Variants in PRIMA1 observed in about 807,000 individuals in gnomAD.
PRIMA1 encodes proline rich membrane anchor 1.
A neutral mutation model predicts 17.5 loss-of-function variants in PRIMA1; 7 were observed. The ratio of observed to expected loss-of-function variants is 0.40; its 90% confidence interval spans 0.23 to 0.75. PRIMA1 has a LOEUF of 0.75. PRIMA1 is among the 30% of genes least tolerant of loss of function. The probability of loss-of-function intolerance (pLI) is 0.37; values close to 1 mark genes in which losing one functional copy is unlikely to be tolerated. For synonymous variants in PRIMA1, 97 were observed against 77.9 expected, an observed-to-expected ratio of 1.25 and a Z score of -1.29; for missense variants, 200 against 201.8, an observed-to-expected ratio of 0.99 and a Z score of 0.05.
intron 3 of PRIMA1, among the ~76,000 whole-genome samples, chr14:93,777,906 C>T (rs561752488): frequency 2.7e-4 from 41 of 152,258 alleles, no homozygotes; most frequent in African/African-American, 7.7e-4. Context: ...AAATACAAAC[C>T]GCTGGGAGAC....
chr14:93,754,257 G>C (rs975403303), intron 3 of PRIMA1, among the ~76,000 whole-genome samples: 1 of 152,196 alleles, frequency 6.6e-6, no homozygotes, highest in Admixed American at 6.5e-5. Context: ...CGAAGAGCTT[G>C]TGGAGCTCTT....
rs924313155 is a variant in PRIMA1, at chr14:93,787,708, C to T, written c.11G>A (p.Arg4Gln). Residue 4 changes from arginine (R) to glutamine (Q), a missense_variant, in exon 2 of 5, where the codon CGG (arginine) becomes CAG (glutamine). Transcript: ENST00000393140. MLL[R>Q]DLVLRRGCCW... ...GCAGCCACGGCGCAGCACCAAGTCC[C>T]GGAGGAGCATCTCGGCCAGCGGCGC... The T allele has an allele frequency of 9.1e-6, 14 of 1,543,916 alleles. No individual in the cohort carries two copies. Among genetic ancestry groups the T allele is most frequent in the African/African-American group, 1.4e-5 (1 of 73,040 alleles).
Position 93,779,090 on chromosome 14 carries a change from G to A in PRIMA1, c.229+86C>T, listed in dbSNP as rs879041802. 4.8e-5 allele frequency: 47 copies of A among 984,340 alleles called. 1 individual carries two copies. The South Asian group carries it at 9.3e-4, about 20-fold the overall frequency. The allele number at this position is 984,340 out of a possible 1,614,324, so 61.0% of individuals were successfully genotyped here. A position where few individuals can be genotyped will look rare whatever the true frequency, so the allele number is the denominator to read the frequency against. ...CAGTGGAAAATTACCAAGGAGGCAG[G>A]GCTGCCCTCGGCCACACTCAGTGGA... On this transcript the variant is annotated intron_variant, in intron 3 of 4. Coordinates refer to ENST00000393140, the MANE Select transcript of PRIMA1 (RefSeq NM_178013.4).
chr14:93,746,998 A>G (rs1365200574), intron 3 of PRIMA1, among the ~76,000 whole-genome samples: 1 of 152,260 alleles, frequency 6.6e-6, no homozygotes, highest in East Asian at 1.9e-4. Flanking sequence ...GACAGTGAGA[A>G]AGCAGCTGGG....
At chr14:93,748,251 G>T (rs1407161281) in intron 3 of PRIMA1, among the ~76,000 whole-genome samples, 1 of 152,038 alleles carries the variant, frequency 6.6e-6, no homozygotes, top group African/African-American at 2.4e-5. Flanking sequence ...GGGGTGAGGG[G>T]CCCACAGGGA....
At chr14:93,748,059 TG>T (rs2076236408) in intron 3 of PRIMA1, among the ~76,000 whole-genome samples, 1 of 151,478 alleles carries the variant, frequency 6.6e-6, no homozygotes, top group Non-Finnish European at 1.5e-5. Flanking sequence ...TGTGTGTATG[TG>T]AGTGTGAATG....
At chr14:93,729,169 C>T (rs1203941510) in intron 4 of PRIMA1, among the ~76,000 whole-genome samples, 1 of 152,228 alleles carries the variant, frequency 6.6e-6, no homozygotes, top group Non-Finnish European at 1.5e-5. Context: ...GCACAGGTGC[C>T]AGCTCCTTGA....
intron 2 of PRIMA1, among the ~76,000 whole-genome samples, chr14:93,781,448 G>C (rs1305922663): frequency 2.0e-5 from 3 of 152,238 alleles, no homozygotes; most frequent in Non-Finnish European, 4.4e-5. Flanking sequence ...ACTCTACCAA[G>C]TGTGTGAACT....
chr14:93,731,871 C>T (rs943540142), intron 4 of PRIMA1, among the ~76,000 whole-genome samples: 14 of 152,196 alleles, frequency 9.2e-5, no homozygotes, highest in Admixed American at 2.6e-4. Flanking sequence ...ATCAAAAAGG[C>T]TTGAGCATTC....
intron 3 of PRIMA1, among the ~76,000 whole-genome samples, chr14:93,768,810 T>TTG (rs780596462): frequency 0.085 from 505 of 5,944 alleles, 1 homozygote; most frequent in Middle Eastern, 0.42. Context: ...ACTTTTTTTC[T>TTG]TTTTTTTTTT....
chr14:93,740,225 A>G (rs1187645415), intron 3 of PRIMA1, among the ~76,000 whole-genome samples: 1 of 152,198 alleles, frequency 6.6e-6, no homozygotes, highest in Non-Finnish European at 1.5e-5. Context: ...AATAGGAATG[A>G]ACTCTAAAAT....
At chr14:93,785,434 T>A (rs1288644276) in intron 2 of PRIMA1, among the ~76,000 whole-genome samples, 1 of 152,186 alleles carries the variant, frequency 6.6e-6, no homozygotes, top group Non-Finnish European at 1.5e-5. Flanking sequence ...GGACCCCAGG[T>A]CTTTTGCCTC....
Position 93,744,093 on chromosome 14 carries a change from A to C in PRIMA1, c.230-6723T>G, listed in dbSNP as rs2076201197. Among the ~76,000 whole-genome samples the C allele has an allele frequency of 2.6e-5, 4 of 152,326 alleles. No homozygotes were observed. In the South Asian group the frequency reaches 8.3e-4, roughly 32 times the overall value. ...TGGACAGAGGCAGAAACTGAGGATC[A>C]AAAAGGGGAGGACCCTGCCCGAGGC... On this transcript the variant is annotated intron_variant, in intron 3 of 4. Coordinates refer to ENST00000393140, the MANE Select transcript of PRIMA1 (RefSeq NM_178013.4).
intron 3 of PRIMA1, among the ~76,000 whole-genome samples, chr14:93,745,382 C>A (rs1367085501): frequency 2.0e-5 from 3 of 152,182 alleles, no homozygotes; most frequent in African/African-American, 4.8e-5. Flanking sequence ...TTGTCAGAGC[C>A]CCGGGTCCCA....
At chr14:93,775,655 G>A (rs1158050866) in intron 3 of PRIMA1, among the ~76,000 whole-genome samples, 2 of 152,208 alleles carry the variant, frequency 1.3e-5, no homozygotes, top group Non-Finnish European at 2.9e-5. Context: ...GGCACTACTT[G>A]TGTGCAGGGT....
chr14:93,731,889 C>T (rs1471332650), intron 4 of PRIMA1, among the ~76,000 whole-genome samples: 1 of 152,214 alleles, frequency 6.6e-6, no homozygotes, highest in East Asian at 1.9e-4. Context: ...TTCAAAAGTG[C>T]TCGTTCTACT....
Position 93,726,039 on chromosome 14 carries a change from C to T in PRIMA1, c.360-4493G>A, listed in dbSNP as rs1277350563. ...CCAAGAGAGAGGTTAGTGAGACTTT[C>T]CTTGGCGGCACCCAGGATTCCTGCT... On this transcript the variant is annotated intron_variant, in intron 4 of 4. Transcript: ENST00000393140. This position sits in a 1 kb window ranked among gnomAD's most constrained non-coding sequence, Gnocchi z 4.2. 1 of 456,478 alleles carries T rather than the reference C, an allele frequency of 2.2e-6. No homozygotes were observed. The highest frequency in any genetic ancestry group is 4.4e-6 in the Non-Finnish European group (1 of 226,910). 28.3% of individuals were successfully genotyped at this position (456,478 alleles called of 1,614,324 possible). A position where few individuals can be genotyped will look rare whatever the true frequency, so the allele number is the denominator to read the frequency against.
intron 4 of PRIMA1, among the ~76,000 whole-genome samples, chr14:93,727,688 T>A (rs1359847564): frequency 1.3e-5 from 2 of 151,830 alleles, no homozygotes; most frequent in African/African-American, 4.8e-5. Context: ...CTGGTGGAGG[T>A]CCTATACAGA....
In PRIMA1 at chr14:93,718,746, T is replaced by G. The variant is rs2076019190; in HGVS notation, c.*2698A>C. On this transcript the variant is annotated 3_prime_UTR_variant, in exon 5 of 5. Coordinates refer to ENST00000393140, the MANE Select transcript of PRIMA1 (RefSeq NM_178013.4). The stretch of plus-strand genomic sequence containing the variant: ...TCTTCCAAAACTTCCTTTAGAAGCT[T>G]CTTAGGAACACCTGAAACCTCTGGG... The G allele has an allele frequency of 6.6e-6, 1 of 152,548 alleles. No homozygotes were observed. The highest frequency in any genetic ancestry group is 2.4e-5 in the African/African-American group (1 of 41,418). The allele number at this position is 152,548 out of a possible 1,614,324, so 9.4% of individuals were successfully genotyped here.
Sources: allele counts gnomAD v4.1 joint callset (sites outside exome capture counted in the v4.1 genomes callset), GRCh38; gene constraint gnomAD v4.1.1; non-coding constraint Gnocchi (gnomAD v3.1); transcripts MANE v1.5; gene names NCBI Gene and HGNC (gene_info 2026-07-23, HGNC 2026-07-21).